The following MLLT10 variants were observed in gnomAD, a reference collection of about 807,000 sequenced individuals.
The protein encoded by MLLT10 is MLLT10 histone lysine methyltransferase DOT1L cofactor, also known as protein AF-10.
A neutral mutation model predicts 129.1 loss-of-function variants in MLLT10; 30 were observed. The ratio of observed to expected loss-of-function variants is 0.23; its 90% CI spans 0.17 to 0.32. MLLT10 has a LOEUF of 0.32. Among genes scored for constraint, MLLT10 ranks in the 10% least tolerant of loss-of-function variants. MLLT10 has a pLI of 1.00. For synonymous variants in MLLT10, 490 were observed against 446.4 expected (o/e 1.10, Z -1.23); for missense variants, 1,119 against 1,268.3 (o/e 0.88, Z 1.79).
chr10:21,544,198 G>A (rs2035707511), intron 3 of MLLT10, among the ~76,000 whole-genome samples: 1 of 152,194 alleles, frequency 6.6e-6, no homozygotes, highest in Admixed American at 6.5e-5. Context: ...TAACCACTGT[G>A]TTACCTCTTA....
In MLLT10 at chr10:21,688,690, G is replaced by A. The variant is rs2053534440; in HGVS notation, c.1699+6433G>A. 3 of 560,392 alleles carry A rather than the reference G, an allele frequency of 5.4e-6. No individual in the cohort carries two copies. In the South Asian group the frequency reaches 8.7e-5, roughly 16 times the overall value. 34.7% of individuals were successfully genotyped at this position (560,392 alleles called of 1,614,324 possible). On this transcript the variant is annotated intron_variant, in intron 13 of 22. Coordinates refer to ENST00000307729, the MANE Select transcript of MLLT10 (RefSeq NM_001195626.3). ...AAGGAATTATCTATAACCTTGGGTG[G>A]TAGGTGGGATGAACTATATGTTCTT... is the stretch of plus-strand genomic sequence containing the variant.
intron 11 of MLLT10, among the ~76,000 whole-genome samples, chr10:21,679,144 C>G (rs2052489974): frequency 6.6e-6 from 1 of 152,076 alleles, no homozygotes; most frequent in Non-Finnish European, 1.5e-5. Context: ...TGAAGTGTGT[C>G]CTGATAAATG....
chr10:21,555,410 A>G (rs887975344), intron 3 of MLLT10, among the ~76,000 whole-genome samples: 1 of 150,448 alleles, frequency 6.6e-6, no homozygotes, highest in African/African-American at 2.4e-5. Flanking sequence ...TTTAGTAGAG[A>G]CTGGGTTTTG....
chr10:21,739,906 G>T, intron 21 of MLLT10, 124 bp from the exon 22 acceptor site: 1 of 736,938 alleles, frequency 1.4e-6, no homozygotes, highest in Non-Finnish European at 2.2e-6. Flanking sequence ...TTTTCTAGAT[G>T]AGATACTTGT....
intron 3 of MLLT10, among the ~76,000 whole-genome samples, chr10:21,550,204 A>G (rs1389584687): frequency 1.3e-5 from 2 of 152,118 alleles, no homozygotes; most frequent in Non-Finnish European, 2.9e-5. Flanking sequence ...TTGGATTTCT[A>G]CATCCTTTAG....
intron 13 of MLLT10, among the ~76,000 whole-genome samples, chr10:21,687,531 T>G (rs2053425202): frequency 6.6e-6 from 1 of 152,176 alleles, no homozygotes; most frequent in East Asian, 1.9e-4. Context: ...ACAACAGACA[T>G]TTTTTCTTCT....
At chr10:21,689,516 T>C (rs991526792) in intron 13 of MLLT10, among the ~76,000 whole-genome samples, 5 of 145,150 alleles carry the variant, frequency 3.4e-5, no homozygotes, top group African/African-American at 1.3e-4. Flanking sequence ...AGCAATGGCA[T>C]AGAATGAGAA....
In MLLT10 at chr10:21,599,692, G is replaced by A. The variant is rs2043339051; in HGVS notation, c.405+4252G>A. Among the ~76,000 whole-genome samples the A allele has an allele frequency of 2.0e-5, 3 of 152,080 alleles. No individual in the cohort carries two copies. In the South Asian group the frequency reaches 6.2e-4, roughly 32 times the overall value. On this transcript the variant is annotated intron_variant, in intron 5 of 22. Transcript: ENST00000307729. ...CAGTCCTTCCACTTCAGCCCTCTAA[G>A]TATGTGGGACTACAGGCACACCCAT...
chr10:21,555,365 G>A (rs562716475), intron 3 of MLLT10, among the ~76,000 whole-genome samples: 1 of 152,132 alleles, frequency 6.6e-6, no homozygotes, highest in African/African-American at 2.4e-5. Flanking sequence ...TGGGATTACA[G>A]GCGCCTGCCA....
Position 21,663,589 on chromosome 10 carries a change from G to A in MLLT10, c.796-6860G>A, listed in dbSNP as rs183017997. On this transcript the variant is annotated intron_variant, in intron 9 of 22. Transcript: ENST00000307729. Reference sequence around the variant, plus strand: ...TTTGTTTTGTTTTTGTTTTTTGAGAGAGTCTTGCTCTGTCACCCAGGCTGG... The same window carrying A: ...TTTGTTTTGTTTTTGTTTTTTGAGAAAGTCTTGCTCTGTCACCCAGGCTGG... 2.3e-4 allele frequency among the ~76,000 whole-genome samples: 35 copies of A among 150,774 alleles called. No individual in the cohort carries two copies. The East Asian group carries it at 2.9e-3, about 13-fold the overall frequency.
intron 5 of MLLT10, 152 bp from the exon 6 acceptor site, chr10:21,612,196 C>A (rs1358311695): frequency 1.9e-6 from 1 of 522,818 alleles, no homozygotes. Flanking sequence ...GTATTGTATG[C>A]AAAAATTAGA....
At chr10:21,628,777 C>G (rs1446840238) in intron 8 of MLLT10, among the ~76,000 whole-genome samples, 1 of 127,080 alleles carries the variant, frequency 7.9e-6, no homozygotes, top group African/African-American at 3.0e-5. Context: ...CACAGAGTCT[C>G]GCTCTGTCTC....
intron 8 of MLLT10, among the ~76,000 whole-genome samples, chr10:21,633,639 A>T (rs966117515): frequency 3.9e-5 from 6 of 152,140 alleles, no homozygotes; most frequent in African/African-American, 1.4e-4. Flanking sequence ...AGGCCACAAA[A>T]GCTGAGATTG....
intron 13 of MLLT10, among the ~76,000 whole-genome samples, chr10:21,698,628 G>GT (rs924287353): frequency 2.5e-4 from 38 of 152,218 alleles, no homozygotes; most frequent in Middle Eastern, 3.4e-3. Context: ...TGTATTTTTA[G>GT]TTTTTTAGAT....
At chr10:21,651,184 G>A (rs908803672) in intron 8 of MLLT10, among the ~76,000 whole-genome samples, 6 of 152,112 alleles carry the variant, frequency 3.9e-5, no homozygotes, top group Admixed American at 1.3e-4. Context: ...CGATTCTCCT[G>A]CCTCAGCATC....
At chr10:21,581,044 ATT>A (rs35410894) in intron 3 of MLLT10, among the ~76,000 whole-genome samples, 13 of 128,710 alleles carry the variant, frequency 1.0e-4, no homozygotes, top group Admixed American at 1.6e-4. Context: ...TGTTCAGTGA[ATT>A]TTTTTTTTTT....
chr10:21,701,314 G>C (rs1413429626), intron 13 of MLLT10, among the ~76,000 whole-genome samples: 1 of 148,016 alleles, frequency 6.8e-6, no homozygotes, highest in Non-Finnish European at 1.5e-5. Flanking sequence ...GAGGGAGAGG[G>C]GGTCTCTGTC....
At chr10:21,552,167 C>G (rs1012212044) in intron 3 of MLLT10, among the ~76,000 whole-genome samples, 34 of 151,938 alleles carry the variant, frequency 2.2e-4, no homozygotes, top group Admixed American at 6.6e-5. Context: ...TTCAAGGGAT[C>G]CTCCAGCCTT....
chr10:21,536,232 C>T (rs113415949), intron 2 of MLLT10, among the ~76,000 whole-genome samples: 83 of 152,298 alleles, frequency 5.4e-4, no homozygotes, highest in African/African-American at 1.8e-3. Flanking sequence ...TCAGCCACTG[C>T]GCCTGGCCCT....
Sources: allele counts gnomAD v4.1 joint callset (sites outside exome capture counted in the v4.1 genomes callset), GRCh38; gene constraint gnomAD v4.1.1; transcripts MANE v1.5; gene names NCBI Gene and HGNC (gene_info 2026-07-23, HGNC 2026-07-21).